The following SIPA1L3 variants were observed in gnomAD, a reference collection of about 807,000 sequenced individuals.
SIPA1L3 encodes signal-induced proliferation-associated 1-like protein 3.
In SIPA1L3, 59 loss-of-function variants were observed where a neutral mutation model predicts 150.1. That is an observed-to-expected ratio of 0.39 (90% confidence interval 0.32 to 0.49). The LOEUF (loss-of-function observed/expected upper bound fraction) is 0.49. Ranked by LOEUF, SIPA1L3 falls within the 20% of genes least tolerant of loss-of-function variation. SIPA1L3 has a pLI of 0.86. For synonymous variants in SIPA1L3, 1,070 were observed against 1,077.6 expected (o/e 0.99, Z 0.14); for missense variants, 2,211 against 2,489.5 (o/e 0.89, Z 2.38).
chr19:38,135,561 A>G (rs945783865), intron 10 of SIPA1L3, among the ~76,000 whole-genome samples: 5 of 152,100 alleles, frequency 3.3e-5, no homozygotes, highest in Non-Finnish European at 7.4e-5. Flanking sequence ...CACCCCAAAC[A>G]TGCAGGTAGG....
intron 1 of SIPA1L3, among the ~76,000 whole-genome samples, chr19:37,919,384 A>G (rs1044536362): frequency 7.9e-5 from 12 of 152,302 alleles, no homozygotes; most frequent in African/African-American, 2.9e-4. Context: ...CTCAGCTAAT[A>G]TCTTATTGAA....
At chr19:38,179,079 G>A (rs1972504721) in intron 15 of SIPA1L3, among the ~76,000 whole-genome samples, 1 of 152,182 alleles carries the variant, frequency 6.6e-6, no homozygotes, top group Non-Finnish European at 1.5e-5. Flanking sequence ...TTTTGCTATT[G>A]TTTCTGTATG....
intron 17 of SIPA1L3, 106 bp from the exon 18 acceptor site, chr19:38,193,431 G>A: frequency 1.6e-6 from 2 of 1,283,358 alleles, no homozygotes; most frequent in Non-Finnish European, 1.0e-6. Context: ...TGGATGCTGG[G>A]TAGGTAAGGA....
At chr19:38,149,564 G>A (rs1383297542) in intron 12 of SIPA1L3, among the ~76,000 whole-genome samples, 2 of 152,192 alleles carry the variant, frequency 1.3e-5, no homozygotes, top group African/African-American at 2.4e-5. Context: ...GTTCTGACAA[G>A]ATTGTTTCTT....
Position 38,207,015 on chromosome 19 carries a change from G to A in SIPA1L3, c.*775G>A, listed in dbSNP as rs932853466. The A allele has an allele frequency of 6.6e-6, 1 of 152,142 alleles. No individual in the cohort carries two copies. The highest frequency in any genetic ancestry group is 2.4e-5 in the African/African-American group (1 of 41,424). The allele number at this position is 152,142 out of a possible 1,614,324, so 9.4% of individuals were successfully genotyped here. The stretch of plus-strand genomic sequence containing the variant: ...CCAGAGGCCACTGCACCTGGGCTAG[G>A]GGTCCACAGGCCCCTCCACCTTCCA... On this transcript the variant is annotated 3_prime_UTR_variant, in exon 22 of 22. Transcript: ENST00000222345.
intron 7 of SIPA1L3, 100 bp from the exon 8 acceptor site, chr19:38,110,127 G>A (rs1324758816): frequency 8.6e-7 from 1 of 1,159,060 alleles, no homozygotes; most frequent in Non-Finnish European, 1.3e-6. Context: ...GCAGGGAGTG[G>A]GAATGGGGGT....
intron 9 of SIPA1L3, among the ~76,000 whole-genome samples, chr19:38,129,790 G>A (rs1343377401): frequency 1.3e-5 from 2 of 152,110 alleles, no homozygotes; most frequent in Admixed American, 6.6e-5. Flanking sequence ...GGTTTGGCTG[G>A]GTGTGGTGGC....
intron 6 of SIPA1L3, among the ~76,000 whole-genome samples, chr19:38,104,283 T>C (rs1970571910): frequency 6.6e-6 from 1 of 152,218 alleles, no homozygotes; most frequent in Non-Finnish European, 1.5e-5. Context: ...AACGAGCATG[T>C]TATTATGCCA....
chr19:38,099,858 C>T, intron 4 of SIPA1L3, 104 bp from the exon 5 acceptor site: 5 of 1,002,964 alleles, frequency 5.0e-6, no homozygotes, highest in Non-Finnish European at 7.2e-6. Context: ...CACAAACTTC[C>T]AATCATCACA....
At chr19:37,971,710 G>C (rs772584705) in intron 1 of SIPA1L3, among the ~76,000 whole-genome samples, 3 of 152,030 alleles carry the variant, frequency 2.0e-5, no homozygotes, top group Non-Finnish European at 2.9e-5. Flanking sequence ...GATTACAGGC[G>C]TGTGACACCA....
intron 14 of SIPA1L3, among the ~76,000 whole-genome samples, chr19:38,162,740 G>T (rs755561424): frequency 4.6e-5 from 7 of 152,250 alleles, no homozygotes; most frequent in Non-Finnish European, 8.8e-5. Flanking sequence ...CATTCACGTG[G>T]TGATTCAGAG....
chr19:38,071,448 C>T (rs1007586013), intron 2 of SIPA1L3, among the ~76,000 whole-genome samples: 5 of 152,086 alleles, frequency 3.3e-5, no homozygotes, highest in African/African-American at 9.7e-5. Flanking sequence ...CACCATGCCT[C>T]GCTAATTTTT....
At chr19:38,078,058 ACTCCC>A (rs1414403749) in intron 2 of SIPA1L3, among the ~76,000 whole-genome samples, 1 of 151,766 alleles carries the variant, frequency 6.6e-6, no homozygotes, top group Non-Finnish European at 1.5e-5. Flanking sequence ...TGACATCCAT[ACTCCC>A]GCAAGCCTTG....
rs530983992 is a variant in SIPA1L3 at position 38,047,250 on chromosome 19, G to A, written c.-311+18094G>A. On this transcript the variant is annotated intron_variant, in intron 2 of 21. Transcript: ENST00000222345. The surrounding 1 kb of genome is among the most constrained non-coding windows in gnomAD (Gnocchi z 4.7). ...GACACACACGCACGCACACACGCAC[G>A]CACTCACACACACTCCTACACATTC... Among the ~76,000 whole-genome samples the A allele has an allele frequency of 1.3e-5, 2 of 152,102 alleles. No homozygotes were observed. The highest frequency in any genetic ancestry group is 3.9e-4 in the East Asian group (2 of 5,174).
At chr19:37,941,108 A>C (rs557672193) in intron 1 of SIPA1L3, among the ~76,000 whole-genome samples, 12 of 150,544 alleles carry the variant, frequency 8.0e-5, no homozygotes, top group African/African-American at 2.9e-4. Context: ...ACACACACAC[A>C]CACACACACA....
At chr19:38,072,524 A>C (rs1262028778) in intron 2 of SIPA1L3, among the ~76,000 whole-genome samples, 1 of 152,166 alleles carries the variant, frequency 6.6e-6, no homozygotes, top group Non-Finnish European at 1.5e-5. Flanking sequence ...TTCTTCTCCC[A>C]TGGTTACGAG....
rs57817853 is a variant in SIPA1L3, at chr19:38,173,423, G to A, written c.4208+8517G>A. Among the ~76,000 whole-genome samples, 328 of 152,396 alleles carry A rather than the reference G, an allele frequency of 2.2e-3. 12 individuals are homozygous for A. In the East Asian group the frequency reaches 0.051, roughly 24 times the overall value. ...GGCGCCAGTGCCTGCCATGGGCACCGCAGTGGGCTGAGTGATCCTGGGCGG... is the reference window on the plus strand; with the variant it reads ...GGCGCCAGTGCCTGCCATGGGCACCACAGTGGGCTGAGTGATCCTGGGCGG... On this transcript the variant is annotated intron_variant, in intron 15 of 21. Transcript: ENST00000222345.
intron 1 of SIPA1L3, among the ~76,000 whole-genome samples, chr19:37,918,601 G>C (rs1465841403): frequency 6.6e-6 from 1 of 151,944 alleles, no homozygotes; most frequent in Non-Finnish European, 1.5e-5. Context: ...CAGGCCTGGT[G>C]GCTTATGCCT....
intron 1 of SIPA1L3, among the ~76,000 whole-genome samples, chr19:38,014,773 C>A (rs1968193717): frequency 6.6e-6 from 1 of 151,674 alleles, no homozygotes; most frequent in Non-Finnish European, 1.5e-5. Context: ...AGGTTCACGC[C>A]ATTTTCCTGC....
Sources: allele counts gnomAD v4.1 joint callset (sites outside exome capture counted in the v4.1 genomes callset), GRCh38; gene constraint gnomAD v4.1.1; non-coding constraint Gnocchi (gnomAD v3.1); transcripts MANE v1.5; gene names NCBI Gene and HGNC (gene_info 2026-07-23, HGNC 2026-07-21).